THUMPD2: variants seen among roughly 807,000 people sequenced by gnomAD.
THUMPD2 encodes THUMP domain 2 tRNA and snRNA guanosine methyltransferase, also known as U6 snRNA (guanine-N(2))-methyltransferase THUMPD2.
THUMPD2 carries 56 observed loss-of-function variants against 49.4 expected under a neutral mutation model. The ratio of observed to expected loss-of-function variants is 1.13; its 90% CI spans 0.91 to 1.41. The LOEUF is 1.41. Ranked by LOEUF, THUMPD2 falls within the 40% of genes most tolerant of loss-of-function variation. The probability of loss-of-function intolerance (pLI) is 0.00; values close to 1 mark genes in which losing one functional copy is unlikely to be tolerated. For missense variants in THUMPD2, 709 were observed against 594.5 expected, an observed-to-expected ratio of 1.19 and a Z score of -2.00; for synonymous variants, 237 against 205.2, an observed-to-expected ratio of 1.15 and a Z score of -1.32.
chr2:39,755,984 GTAT>G (rs752322294), intron 6 of THUMPD2, 24 bp from the exon 7 acceptor site: 5 of 1,603,376 alleles, frequency 3.1e-6, no homozygotes, highest in Admixed American at 1.7e-5. Context: ...TATTAATTTG[GTAT>G]TATTAAGACT....
At chr2:39,766,210 T>A in intron 4 of THUMPD2, 101 bp from the exon 5 acceptor site, 1 of 858,654 alleles carries the variant, frequency 1.2e-6, no homozygotes, top group Non-Finnish European at 1.7e-6. Context: ...ATCTATGTTT[T>A]AAAAAGAAAC....
At chr2:39,767,650 G>C (rs1320891088) in intron 4 of THUMPD2, among the ~76,000 whole-genome samples, 2 of 146,500 alleles carry the variant, frequency 1.4e-5, no homozygotes, top group Non-Finnish European at 3.0e-5. Context: ...ATAAGAGAAT[G>C]ATACTCGTAT....
chr2:39,779,038 C>T (rs1679508924), intron 1 of THUMPD2, 76 bp downstream of exon 1: 2 of 1,357,002 alleles, frequency 1.5e-6, no homozygotes, highest in Admixed American at 3.9e-5. Context: ...CGCTTTCCCG[C>T]GTCCACGACT....
intron 8 of THUMPD2, among the ~76,000 whole-genome samples, chr2:39,751,873 G>C (rs1459475943): frequency 2.0e-5 from 3 of 151,860 alleles, no homozygotes; most frequent in Non-Finnish European, 4.4e-5. Context: ...TTTTAGTAGA[G>C]ACAGGGTTTC....
At chr2:39,779,051 G>C in intron 1 of THUMPD2, 63 bp downstream of exon 1, 1 of 1,391,664 alleles carries the variant, frequency 7.2e-7, no homozygotes, top group Non-Finnish European at 9.3e-7. Context: ...CCACGACTGG[G>C]GTGGGCAACA....
At chr2:39,747,212 A>G (rs1262179168) in intron 8 of THUMPD2, among the ~76,000 whole-genome samples, 2 of 152,220 alleles carry the variant, frequency 1.3e-5, no homozygotes, top group South Asian at 2.1e-4. Context: ...CCTTGTAAAT[A>G]ACCACTATTC....
At chr2:39,750,349 G>A (rs7581406) in intron 8 of THUMPD2, among the ~76,000 whole-genome samples, 61,849 of 152,110 alleles carry the variant, frequency 0.41, 13,671 homozygotes, top group East Asian at 0.74. Flanking sequence ...CTAATGATCA[G>A]TGATGTTGAG....
chr2:39,777,981 T>C (rs1039412801), intron 1 of THUMPD2, among the ~76,000 whole-genome samples: 1 of 152,228 alleles, frequency 6.6e-6, no homozygotes, highest in Non-Finnish European at 1.5e-5. Flanking sequence ...CATGGTCATA[T>C]AGTGGGCCTG....
At chr2:39,741,956 A>G (rs955181658) in intron 9 of THUMPD2, among the ~76,000 whole-genome samples, 1 of 152,182 alleles carries the variant, frequency 6.6e-6, no homozygotes, top group African/African-American at 2.4e-5. Context: ...CAGGTAAGTG[A>G]TAACAGATAC....
At chr2:39,769,446 A>G in intron 3 of THUMPD2, 1 of 345,152 alleles carries the variant, frequency 2.9e-6, no homozygotes, top group Admixed American at 4.3e-5. Flanking sequence ...TCCCGCCTGT[A>G]ATCCCAGCAC....
At chr2:39,750,101 T>G (rs1675187792) in intron 8 of THUMPD2, among the ~76,000 whole-genome samples, 1 of 152,204 alleles carries the variant, frequency 6.6e-6, no homozygotes, top group Non-Finnish European at 1.5e-5. Context: ...TTACATTCCT[T>G]TGGATATATG....
At chr2:39,749,154 G>A (rs185813934) in intron 8 of THUMPD2, among the ~76,000 whole-genome samples, 12 of 152,062 alleles carry the variant, frequency 7.9e-5, no homozygotes, top group African/African-American at 2.9e-4. Context: ...ATGATGTTGT[G>A]GCCCACCAAA....
intron 9 of THUMPD2, among the ~76,000 whole-genome samples, chr2:39,743,086 T>C (rs1674115170): frequency 1.3e-5 from 2 of 152,198 alleles, no homozygotes; most frequent in African/African-American, 4.8e-5. Context: ...TAGTTGAGCT[T>C]AGACTAAGTG....
In THUMPD2 at chr2:39,736,914, C is replaced by T. The variant is rs1434056845; in HGVS notation, c.1333G>A (p.Glu445Lys). 2.5e-6 allele frequency: 4 copies of T among 1,614,114 alleles called. No homozygotes were observed. The highest frequency in any genetic ancestry group is 1.6e-4 in the Middle Eastern group (1 of 6,062). The change falls in exon 10 of 10, where the codon GAA (glutamate) becomes AAA (lysine). Residue 445 changes from glutamate (E) to lysine (K), a missense_variant. Coordinates refer to ENST00000505747, the MANE Select transcript of THUMPD2 (RefSeq NM_025264.5). ...GTCTTGAATGCACCAGTTTTTTCTT[C>T]AGGATTCAAGCACTTTTTAATTCCA... Reference protein sequence around the residue: ...EPGIKKCLNPEEKTGAFKTAS... With the variant: ...EPGIKKCLNPKEKTGAFKTAS...
chr2:39,775,098 G>A (rs1374123288), intron 1 of THUMPD2, among the ~76,000 whole-genome samples: 1 of 152,092 alleles, frequency 6.6e-6, no homozygotes, highest in Non-Finnish European at 1.5e-5. Context: ...TGGACAACAT[G>A]GTGAGACCCT....
At chr2:39,737,258 C>T (rs1194915139) in intron 9 of THUMPD2, among the ~76,000 whole-genome samples, 199 bp from the exon 10 acceptor site, 1 of 129,596 alleles carries the variant, frequency 7.7e-6, no homozygotes, top group Non-Finnish European at 1.6e-5. Context: ...TACAAATCTG[C>T]TTTAATTATC....
chr2:39,774,824 A>G (rs1678855395), intron 1 of THUMPD2, among the ~76,000 whole-genome samples: 1 of 152,200 alleles, frequency 6.6e-6, no homozygotes, highest in Non-Finnish European at 1.5e-5. Flanking sequence ...CTAGAATGAA[A>G]TCATAACCAA....
intron 8 of THUMPD2, among the ~76,000 whole-genome samples, chr2:39,753,381 A>G (rs1422927733): frequency 6.6e-6 from 1 of 152,056 alleles, no homozygotes; most frequent in Admixed American, 6.6e-5. Flanking sequence ...TTCCTTTACC[A>G]GATGCTCACC....
intron 8 of THUMPD2, among the ~76,000 whole-genome samples, chr2:39,751,914 T>C (rs1333069416): frequency 6.6e-6 from 1 of 152,156 alleles, no homozygotes; most frequent in Non-Finnish European, 1.5e-5. Context: ...CTCGAATTCT[T>C]GAGCTCAACT....
Sources: allele counts gnomAD v4.1 joint callset (sites outside exome capture counted in the v4.1 genomes callset), GRCh38; gene constraint gnomAD v4.1.1; transcripts MANE v1.5; gene names NCBI Gene and HGNC (gene_info 2026-07-23, HGNC 2026-07-21).